Variants in PHF20 observed in about 807,000 individuals in gnomAD.
PHF20 encodes glioma-expressed antigen 2.
A neutral mutation model predicts 113.5 loss-of-function variants in PHF20; 23 were observed. That is an observed-to-expected ratio of 0.20 (90% confidence interval 0.15 to 0.29). The LOEUF is 0.29. Among genes scored for constraint, PHF20 ranks in the 10% least tolerant of loss-of-function variants. The pLI is 1.00. For missense variants in PHF20, 943 were observed against 1,219.6 expected (o/e 0.77, Z 3.38); for synonymous variants, 434 against 457.3 (o/e 0.95, Z 0.65).
chr20:35,807,776 A>G (rs1361965045), intron 2 of PHF20, among the ~76,000 whole-genome samples: 1 of 152,206 alleles, frequency 6.6e-6, no homozygotes, highest in Non-Finnish European at 1.5e-5. Context: ...AAAAAGATTT[A>G]TGACATTTAT....
At chr20:35,846,172 C>G (rs541275498) in intron 3 of PHF20, among the ~76,000 whole-genome samples, 1 of 151,570 alleles carries the variant, frequency 6.6e-6, no homozygotes, top group East Asian at 1.9e-4. Flanking sequence ...TTTCAGTGTT[C>G]ATTCTACAAA....
intron 1 of PHF20, among the ~76,000 whole-genome samples, chr20:35,776,164 A>G (rs1468272344): frequency 6.6e-6 from 1 of 152,218 alleles, no homozygotes; most frequent in East Asian, 1.9e-4. Context: ...ATAATTATTG[A>G]TATAGAATCA....
intron 15 of PHF20, among the ~76,000 whole-genome samples, chr20:35,937,160 G>T (rs1468388240): frequency 6.6e-6 from 1 of 152,020 alleles, no homozygotes; most frequent in African/African-American, 2.4e-5. Flanking sequence ...TATCTAAAGA[G>T]TCAAGTTATT....
chr20:35,882,574 T>A (rs1190567902), intron 9 of PHF20, among the ~76,000 whole-genome samples: 1 of 152,298 alleles, frequency 6.6e-6, no homozygotes, highest in South Asian at 2.1e-4. Context: ...ACTACAGACA[T>A]GTGGCACCAA....
chr20:35,912,505 G>T (rs1165378375), intron 10 of PHF20, among the ~76,000 whole-genome samples: 1 of 152,058 alleles, frequency 6.6e-6, no homozygotes, highest in Non-Finnish European at 1.5e-5. Context: ...TATATGAATG[G>T]TACCTCAATT....
chr20:35,807,350 CT>C (rs35614615), intron 2 of PHF20, among the ~76,000 whole-genome samples: 1,771 of 122,314 alleles, frequency 0.014, 13 homozygotes, highest in African/African-American at 0.044. Flanking sequence ...ATGAATGGAT[CT>C]TTTTTTTTTT....
intron 3 of PHF20, among the ~76,000 whole-genome samples, chr20:35,847,110 T>C (rs2042637978): frequency 6.6e-6 from 1 of 152,182 alleles, no homozygotes; most frequent in Non-Finnish European, 1.5e-5. Flanking sequence ...ACACCTCTCA[T>C]AGGCCCCATT....
intron 1 of PHF20, among the ~76,000 whole-genome samples, chr20:35,772,804 G>C (rs1282351820): frequency 6.6e-6 from 1 of 152,102 alleles, no homozygotes; most frequent in Non-Finnish European, 1.5e-5. Flanking sequence ...GGGTCCATTA[G>C]CTAAAGTTTT....
At chr20:35,783,225 A>G (rs780753854) in intron 1 of PHF20, among the ~76,000 whole-genome samples, 1 of 152,108 alleles carries the variant, frequency 6.6e-6, no homozygotes, top group Non-Finnish European at 1.5e-5. Context: ...AAAGAAAAAG[A>G]AAACATAGTT....
chr20:35,883,812 A>C (rs1056066746), intron 9 of PHF20, among the ~76,000 whole-genome samples: 11 of 152,128 alleles, frequency 7.2e-5, no homozygotes, highest in Non-Finnish European at 1.6e-4. Flanking sequence ...TGCTATATAA[A>C]TCAAGTGAAA....
chr20:35,795,852 T>C (rs1300553479), intron 1 of PHF20, among the ~76,000 whole-genome samples: 1 of 152,100 alleles, frequency 6.6e-6, no homozygotes, highest in Non-Finnish European at 1.5e-5. Flanking sequence ...TAAGTTTAAT[T>C]ATTATAAATT....
chr20:35,807,256 A>G (rs1468340116), intron 2 of PHF20, among the ~76,000 whole-genome samples: 3 of 151,504 alleles, frequency 2.0e-5, no homozygotes, highest in African/African-American at 7.3e-5. Context: ...TATGAACTTT[A>G]GTGATGTTTT....
chr20:35,785,834 C>T (rs1293351155), intron 1 of PHF20, among the ~76,000 whole-genome samples: 1 of 137,218 alleles, frequency 7.3e-6, no homozygotes, highest in African/African-American at 2.7e-5. Flanking sequence ...AGGCTGAGAC[C>T]AGCCTGGCCA....
chr20:35,830,774 A>T (rs2146918772), intron 2 of PHF20, among the ~76,000 whole-genome samples: 1 of 150,702 alleles, frequency 6.6e-6, no homozygotes, highest in African/African-American at 2.4e-5. Context: ...CAAGATTTGC[A>T]GGTTTGTTGC....
chr20:35,935,116 G>GT (rs1309876101), intron 15 of PHF20, among the ~76,000 whole-genome samples: 1 of 151,812 alleles, frequency 6.6e-6, no homozygotes, highest in Non-Finnish European at 1.5e-5. Context: ...AAGTGCTGGG[G>GT]TTATAGGTGT....
chr20:35,928,567 G>A (rs529544526), intron 14 of PHF20: 4 of 151,874 alleles, frequency 2.6e-5, no homozygotes, highest in African/African-American at 2.4e-5. Flanking sequence ...TTGAAGCTGT[G>A]TAGAAAAATG....
In PHF20 at chr20:35,845,071, GATCT is replaced by G. The variant is rs769045923; in HGVS notation, c.256-2272_256-2269del. Among the ~76,000 whole-genome samples the G allele has an allele frequency of 4.8e-4, 73 of 152,112 alleles. 1 individual carries two copies. Among genetic ancestry groups the G allele is most frequent in the Non-Finnish European group, 9.9e-4 (67 of 67,972 alleles). On this transcript the variant is annotated intron_variant, in intron 3 of 17. Transcript: ENST00000374012. The stretch of plus-strand genomic sequence containing the variant: ...CAGTTCTGGACCCTGGCTTGCCACT[GATCT>G]ATCTATTTTCTGTTTATAGTCCTAT...
chr20:35,938,019 C>T (rs757387759), intron 15 of PHF20, among the ~76,000 whole-genome samples: 3 of 152,074 alleles, frequency 2.0e-5, no homozygotes, highest in Non-Finnish European at 2.9e-5. Context: ...CAACAGGCAC[C>T]CGCCACCACG....
chr20:35,782,938 A>G (rs2146832086), intron 1 of PHF20, among the ~76,000 whole-genome samples: 1 of 152,346 alleles, frequency 6.6e-6, no homozygotes, highest in South Asian at 2.1e-4. Flanking sequence ...TCATGCCTGT[A>G]ATCCCAGCAC....
Sources: gnomAD v4.1 joint callset for allele counts (sites outside exome capture counted in the v4.1 genomes callset) on GRCh38, gnomAD v4.1.1 for gene constraint, MANE v1.5 for transcripts, NCBI Gene and HGNC (gene_info 2026-07-23, HGNC 2026-07-21) for gene names.